B4GALT3: variants seen among roughly 807,000 people sequenced by gnomAD.
B4GALT3 encodes beta-1,4-galactosyltransferase 3.
In B4GALT3, 29 loss-of-function variants were observed where a neutral mutation model predicts 40.7. The observed-to-expected ratio is 0.71, with a 90% CI of 0.53 to 0.97. The LOEUF is 0.97. Ranked by LOEUF, B4GALT3 falls within the 50% of genes least tolerant of loss-of-function variation. B4GALT3 has a pLI of 0.00. For missense variants in B4GALT3, 390 were observed against 522.3 expected, an observed-to-expected ratio of 0.75 and a Z score of 2.47; for synonymous variants, 182 against 203.9, an observed-to-expected ratio of 0.89 and a Z score of 0.92.
Position 161,172,319 on chromosome 1 carries a change from A to C in B4GALT3, c.816T>G (p.Ala272=), listed in dbSNP as rs1260201889. Residue 272 remains alanine (A), a synonymous_variant, in exon 7 of 8, where the codon GCT becomes GCG. Coordinates refer to ENST00000319769, the MANE Select transcript of B4GALT3 (RefSeq NM_003779.4). ...DDDIATRVRL[A]GMKISRPPTS... is the part of the protein sequence containing the mutation. ...TGGGGGGCCGAGAGATCTTCATCCC[A>C]GCCAGGCGCACCCTATGGGAAAAGT... The C allele has an allele frequency of 1.2e-6, 2 of 1,613,846 alleles. No homozygotes were observed. The highest frequency in any genetic ancestry group is 1.7e-5 in the Admixed American group (1 of 59,948).
At chr1:161,177,188 C>A in intron 1 of B4GALT3, 1 of 1,005,652 alleles carries the variant, frequency 9.9e-7, no homozygotes, top group Non-Finnish European at 1.4e-6. Context: ...GCGTGGTCCG[C>A]GCTGTGGAGG....
rs771958132 is a variant in B4GALT3, at chr1:161,176,065, G to T, written c.-5C>A. 1 of 1,613,816 alleles carries T rather than the reference G, an allele frequency of 6.2e-7. No homozygotes were observed. The highest frequency in any genetic ancestry group is 8.5e-7 in the Non-Finnish European group (1 of 1,179,938). On this transcript the variant is annotated 5_prime_UTR_variant, in exon 3 of 8. Transcript: ENST00000319769. ...CTCCAGCAGCCTCCGCAACATCCTG[G>T]GGGTGAGATCTAGGGAGGGAGAGGG...
rs1661374256 is a variant in B4GALT3, at chr1:161,171,375, A to T, written c.*441T>A. ...CAGCCCCCTGAGCCAGGACCAGAAG[A>T]GGGAGCTATTCCAGCATAGGCAGAA... On this transcript the variant is annotated 3_prime_UTR_variant, in exon 8 of 8. Coordinates refer to ENST00000319769, the MANE Select transcript of B4GALT3 (RefSeq NM_003779.4). The T allele has an allele frequency of 5.3e-6, 5 of 936,004 alleles. No homozygotes were observed. Among genetic ancestry groups the T allele is most frequent in the Non-Finnish European group, 8.0e-6 (5 of 625,312 alleles). The allele number at this position is 936,004 out of a possible 1,614,324, so 58.0% of individuals were successfully genotyped here. A position where few individuals can be genotyped will look rare whatever the true frequency, so the allele number is the denominator to read the frequency against.
In B4GALT3 at chr1:161,171,668, C is replaced by A. The variant is rs1209302095; in HGVS notation, c.*148G>T. On this transcript the variant is annotated 3_prime_UTR_variant, in exon 8 of 8. Transcript: ENST00000319769. ...AGGTCTACAGGAGCCCAGCTCCAGTCCAGCAGTGAGGGAGAGGCCCCTACC... is the reference window on the plus strand; with the variant it reads ...AGGTCTACAGGAGCCCAGCTCCAGTACAGCAGTGAGGGAGAGGCCCCTACC... 1.7e-6 allele frequency: 2 copies of A among 1,150,724 alleles called. No individual in the cohort carries two copies. The highest frequency in any genetic ancestry group is 2.5e-5 in the East Asian group (1 of 40,742). 71.3% of individuals were successfully genotyped at this position (1,150,724 alleles called of 1,614,324 possible). A position where few individuals can be genotyped will look rare whatever the true frequency, so the allele number is the denominator to read the frequency against.
chr1:161,175,762 C>A (rs539994285), intron 3 of B4GALT3, 46 bp downstream of exon 3: 6 of 1,602,408 alleles, frequency 3.7e-6, no homozygotes, highest in Non-Finnish European at 4.3e-6. Context: ...CTCCCTGTCT[C>A]CGCACCTTGT....
rs1192572666 is a variant in B4GALT3, at chr1:161,171,952, G to A, written c.1046C>T (p.Pro349Leu). The A allele has an allele frequency of 6.2e-7, 1 of 1,614,028 alleles. No homozygotes were observed. The highest frequency in any genetic ancestry group is 8.5e-7 in the Non-Finnish European group (1 of 1,180,036). Reference sequence around the variant, plus strand: ...GTAACGTGGCCCAGAAGGAGCCCGAGGACCCCGAGGGTCAGTCCCAATGTC... The same window carrying A: ...GTAACGTGGCCCAGAAGGAGCCCGAAGACCCCGAGGGTCAGTCCCAATGTC... Reference protein sequence around the residue: ...TADIGTDPRGPRAPSGPRYPP... With the variant: ...TADIGTDPRGLRAPSGPRYPP... Residue 349 changes from proline (P) to leucine (L), a missense_variant, in exon 8 of 8, where the codon CCT (proline) becomes CTT (leucine). Coordinates refer to ENST00000319769, the MANE Select transcript of B4GALT3 (RefSeq NM_003779.4).
rs373828529 is a variant in B4GALT3 at position 161,175,243 on chromosome 1, T to C, written c.254-15A>G. The C allele has an allele frequency of 3.2e-5, 52 of 1,607,354 alleles. No homozygotes were observed. Among genetic ancestry groups the C allele is most frequent in the Non-Finnish European group, 4.3e-5 (51 of 1,175,288 alleles). On this transcript the variant is annotated splice_polypyrimidine_tract_variant and intron_variant, in intron 3 of 7. Transcript: ENST00000319769. Reference sequence around the variant, plus strand: ...CACAGGACCCACTGTTGGGAAGGAATGGCAAGTAGAGGGATCAGAGGGGCA... The same window carrying C: ...CACAGGACCCACTGTTGGGAAGGAACGGCAAGTAGAGGGATCAGAGGGGCA...
At chr1:161,176,926 G>A (rs1450554938) in intron 1 of B4GALT3, 3 of 1,536,122 alleles carry the variant, frequency 2.0e-6, no homozygotes, top group South Asian at 1.2e-5. Context: ...GGCGAAGTAG[G>A]AAACAGGCTC....
chr1:161,176,853 A>C lies in B4GALT3; in HGVS notation c.-160-274T>G, dbSNP rs963254543. On this transcript the variant is annotated intron_variant, in intron 1 of 7. Coordinates refer to ENST00000319769, the MANE Select transcript of B4GALT3 (RefSeq NM_003779.4). ...GGAAACATTGTTTTCCCCCAGACCAAGAACCAGTTGAAGTGGCGACAGAGT... is the reference window on the plus strand; with the variant it reads ...GGAAACATTGTTTTCCCCCAGACCACGAACCAGTTGAAGTGGCGACAGAGT... 3.9e-6 allele frequency: 6 copies of C among 1,535,608 alleles called. No homozygotes were observed. The African/African-American group carries it at 8.2e-5, about 21-fold the overall frequency.
At chr1:161,172,976 G>A (rs1465930021) in intron 6 of B4GALT3, among the ~76,000 whole-genome samples, 1 of 152,024 alleles carries the variant, frequency 6.6e-6, no homozygotes, top group Non-Finnish European at 1.5e-5. Context: ...ATGGAGTGCA[G>A]ATGGCCTGGG....
At chr1:161,176,254 C>T in intron 2 of B4GALT3, 180 bp from the exon 3 acceptor site, 1 of 696,962 alleles carries the variant, frequency 1.4e-6, no homozygotes, top group Non-Finnish European at 2.3e-6. Flanking sequence ...CACCAGTAAC[C>T]CTACCACCTG....
chr1:161,174,903 T>C, intron 4 of B4GALT3, 90 bp downstream of exon 4: 1 of 1,373,600 alleles, frequency 7.3e-7, no homozygotes, highest in Non-Finnish European at 1.0e-6. Flanking sequence ...AAAATTATTC[T>C]AGGGACCCAT....
At chr1:161,176,172 G>A in intron 2 of B4GALT3, 98 bp from the exon 3 acceptor site, 2 of 1,342,176 alleles carry the variant, frequency 1.5e-6, no homozygotes, top group African/African-American at 1.5e-5. Flanking sequence ...GGGGTAAAGA[G>A]GAAAAAGCAG....
In B4GALT3 at chr1:161,172,313, C is replaced by T; in HGVS notation, c.822G>A (p.Met274Ile). 1 of 1,614,024 alleles carries T rather than the reference C, an allele frequency of 6.2e-7. No homozygotes were observed. The highest frequency in any genetic ancestry group is 8.5e-7 in the Non-Finnish European group (1 of 1,179,992). Residue 274 changes from methionine (M) to isoleucine (I), a missense_variant, in exon 7 of 8, where the codon ATG (methionine) becomes ATA (isoleucine). This residue lies in a region of B4GALT3 where 135 missense variants were observed against 227.8 expected (regional missense o/e 0.59). Coordinates refer to ENST00000319769, the MANE Select transcript of B4GALT3 (RefSeq NM_003779.4). ...DIATRVRLAGMKISRPPTSVG... is the reference protein window; with the variant it reads ...DIATRVRLAGIKISRPPTSVG... Reference sequence around the variant, plus strand: ...CAGATGTGGGGGGCCGAGAGATCTTCATCCCAGCCAGGCGCACCCTATGGG... The same window carrying T: ...CAGATGTGGGGGGCCGAGAGATCTTTATCCCAGCCAGGCGCACCCTATGGG...
chr1:161,175,068 C>G lies in B4GALT3; in HGVS notation c.414G>C (p.Leu138=), dbSNP rs888109167. 6.2e-7 allele frequency: 1 copy of G among 1,614,002 alleles called. No homozygotes were observed. Among genetic ancestry groups the G allele is most frequent in the Non-Finnish European group, 8.5e-7 (1 of 1,179,978 alleles). ...GGTGCAGGTGGTAGAGCAGCAGGCG[C>G]AGGTGGTGCTCCCGGGCACGATGAG... ...IVPHRAREHH[L]RLLLYHLHPF... is the part of the protein sequence containing the mutation. The change falls in exon 4 of 8, where the codon CTG becomes CTC. Residue 138 remains leucine (L), a synonymous_variant. Transcript: ENST00000319769.
intron 6 of B4GALT3, among the ~76,000 whole-genome samples, chr1:161,172,886 CG>C (rs1336243481): frequency 4.8e-5 from 7 of 144,454 alleles, no homozygotes; most frequent in Non-Finnish European, 1.1e-4. Context: ...AAAAAAAAAA[CG>C]AAAGAAAGAA....
chr1:161,171,811 A>AG lies in B4GALT3; in HGVS notation c.*4dup. The AG allele has an allele frequency of 6.2e-7, 1 of 1,613,814 alleles. No individual in the cohort carries two copies. Among genetic ancestry groups the AG allele is most frequent in the Non-Finnish European group, 8.5e-7 (1 of 1,179,894 alleles). On this transcript the variant is annotated 3_prime_UTR_variant, in exon 8 of 8. Coordinates refer to ENST00000319769, the MANE Select transcript of B4GALT3 (RefSeq NM_003779.4). Reference sequence around the variant, plus strand: ...TTCATGATTAAGGTAGACAGGAAGGAGGAGTCAGTGTGAACCTCGGAGGGC... The same window carrying AG: ...TTCATGATTAAGGTAGACAGGAAGGAGGGAGTCAGTGTGAACCTCGGAGGGC...
At position 161,172,076 on chromosome 1, in the gene B4GALT3, C is replaced by G. The variant is rs747156753; in HGVS notation, c.922G>C (p.Val308Leu). 1 of 1,614,094 alleles carries G rather than the reference C, an allele frequency of 6.2e-7. No homozygotes were observed. Among genetic ancestry groups the G allele is most frequent in the Admixed American group, 1.7e-5 (1 of 60,006 alleles). Residue 308 changes from valine to leucine, a missense_variant, in exon 8 of 8, where the codon GTC becomes CTC. By Grantham distance (32) the Val-to-Leu change is conservative. Transcript: ENST00000319769. ...EENPHRFDLL[V>L]RTQNSWTQDG... The stretch of plus-strand genomic sequence containing the variant: ...TGCGTCCAGGAATTCTGGGTACGGA[C>G]CAGGAGGTCAAATCTGAGGGTTAGA...
rs41270033 is a variant in B4GALT3, at chr1:161,171,883, C to T, written c.1115G>A (p.Arg372His). 2.3e-3 allele frequency: 3,720 copies of T among 1,614,148 alleles called. 11 individuals carry two copies. Among genetic ancestry groups the T allele is most frequent in the Non-Finnish European group, 2.9e-3 (3,393 of 1,180,018 alleles). ...AGGCCCAGGCCTGGCTGGGGGCCGG[C>T]GTTGCAGCATCTCTTGACGGAAGGC... Reference protein sequence around the residue: ...SQAFRQEMLQRRPPARPGPLS... With the variant: ...SQAFRQEMLQHRPPARPGPLS... Residue 372 changes from arginine (R) to histidine (H), a missense_variant, in exon 8 of 8, where the codon CGC (arginine) becomes CAC (histidine). By Grantham distance (29) the Arg-to-His change is conservative. Transcript: ENST00000319769.
Sources: allele counts gnomAD v4.1 joint callset (sites outside exome capture counted in the v4.1 genomes callset), GRCh38; gene constraint gnomAD v4.1.1; regional missense constraint gnomAD v4.1.1; transcripts MANE v1.5; gene names NCBI Gene and HGNC (gene_info 2026-07-23, HGNC 2026-07-21).